Variants in PDE1C observed in about 807,000 individuals in gnomAD.
PDE1C encodes the protein phosphodiesterase 1C, also known as dual specificity calcium/calmodulin-dependent 3',5'-cyclic nucleotide phosphodiesterase 1C.
Under a neutral mutation model 93.1 loss-of-function variants are expected in PDE1C, and 62 were observed. The observed-to-expected ratio is 0.67, with a 90% CI of 0.54 to 0.82. The LOEUF is 0.82. Ranked by LOEUF, PDE1C falls within the 40% of genes least tolerant of loss-of-function variation. PDE1C has a pLI of 0.00. For synonymous variants in PDE1C, 325 were observed against 310.1 expected (o/e 1.05, Z -0.50); for missense variants, 742 against 884.6 (o/e 0.84, Z 2.04).
intron 1 of PDE1C, chr7:32,052,433 T>C (rs571842709): frequency 4.4e-4 from 194 of 439,942 alleles, no homozygotes; most frequent in Middle Eastern, 6.8e-4. Context: ...AAGTTCTTCA[T>C]ATGTGTGTCA....
chr7:32,417,452 T>C (rs1389580656), intron 1 of PDE1C, among the ~76,000 whole-genome samples: 1 of 151,982 alleles, frequency 6.6e-6, no homozygotes, highest in Non-Finnish European at 1.5e-5. Flanking sequence ...ACCCTTAAAC[T>C]CACAAACAAC....
In PDE1C at chr7:32,237,217, T is replaced by A. The variant is rs536430895; in HGVS notation, c.86-27678A>T. On this transcript the variant is annotated intron_variant, in intron 1 of 18. Transcript: ENST00000396193. ...TTTTCCTGCCTCAGCCTCCTGAGTA[T>A]CCGGGACTATAGGCGCCTACCACCA... Among the ~76,000 whole-genome samples the A allele has an allele frequency of 2.0e-4, 31 of 151,526 alleles. No homozygotes were observed. The East Asian group carries it at 5.5e-3, about 27-fold the overall frequency.
chr7:32,207,925 G>A (rs1562580986), intron 2 of PDE1C, among the ~76,000 whole-genome samples: 1 of 152,174 alleles, frequency 6.6e-6, no homozygotes. Context: ...TCACAGCGTG[G>A]TTGGGTCACG....
At chr7:32,307,682 C>A (rs553052670) in intron 1 of PDE1C, among the ~76,000 whole-genome samples, 2 of 152,206 alleles carry the variant, frequency 1.3e-5, no homozygotes, top group Admixed American at 1.3e-4. Context: ...TTATTAAGCC[C>A]AGGTTCACAC....
At chr7:32,239,311 T>G (rs932065984) in intron 1 of PDE1C, among the ~76,000 whole-genome samples, 1 of 152,188 alleles carries the variant, frequency 6.6e-6, no homozygotes, top group Non-Finnish European at 1.5e-5. Flanking sequence ...GAGGATTGCT[T>G]GAACCTAGGA....
chr7:32,255,211 T>A (rs1171201592), intron 1 of PDE1C, among the ~76,000 whole-genome samples: 1 of 151,778 alleles, frequency 6.6e-6, no homozygotes, highest in Non-Finnish European at 1.5e-5. Flanking sequence ...TTCATGGGAG[T>A]CAAGGCCTCT....
chr7:31,923,991 CT>C (rs1279734237), intron 2 of PDE1C, among the ~76,000 whole-genome samples: 1 of 152,170 alleles, frequency 6.6e-6, no homozygotes, highest in Admixed American at 6.5e-5. Flanking sequence ...TATTCAAGAT[CT>C]CATTCCTGTG....
At chr7:32,177,920 T>C (rs1424605000) in intron 2 of PDE1C, among the ~76,000 whole-genome samples, 1 of 152,038 alleles carries the variant, frequency 6.6e-6, no homozygotes, top group African/African-American at 2.4e-5. Flanking sequence ...ACAGAGAAGG[T>C]GGGGAGCATG....
chr7:32,118,420 C>T (rs1039800120), intron 3 of PDE1C, among the ~76,000 whole-genome samples: 2 of 152,120 alleles, frequency 1.3e-5, no homozygotes, highest in Non-Finnish European at 2.9e-5. Context: ...TTCCCCTAAC[C>T]GTAGCTAGTG....
chr7:31,693,841 G>C, the PDE1C span, among the ~76,000 whole-genome samples: 1 of 152,206 alleles, frequency 6.6e-6, no homozygotes, highest in African/African-American at 2.4e-5. Flanking sequence ...AGAAGGAAAT[G>C]AAAGGGAAGG....
At chr7:31,904,339 T>C (rs1048310236) in intron 2 of PDE1C, among the ~76,000 whole-genome samples, 21 of 152,054 alleles carry the variant, frequency 1.4e-4, no homozygotes, top group African/African-American at 5.1e-4. Context: ...AACACAAAAT[T>C]TGCGAGCAAA....
chr7:32,132,773 T>A (rs1799991196), intron 3 of PDE1C, among the ~76,000 whole-genome samples: 1 of 152,288 alleles, frequency 6.6e-6, no homozygotes, highest in East Asian at 1.9e-4. Context: ...TAGAAGGATA[T>A]TTTAGTAATC....
intron 1 of PDE1C, among the ~76,000 whole-genome samples, chr7:32,370,013 T>C (rs1784301642): frequency 6.6e-6 from 1 of 152,208 alleles, no homozygotes; most frequent in African/African-American, 2.4e-5. Context: ...ATCATGCTAC[T>C]ATAAAGATAC....
chr7:31,664,809 A>G, the PDE1C span, among the ~76,000 whole-genome samples: 1 of 152,186 alleles, frequency 6.6e-6, no homozygotes. Flanking sequence ...GGGAAACTCA[A>G]TTTACCTCAC....
the PDE1C span, among the ~76,000 whole-genome samples, chr7:31,624,303 C>A: frequency 4.4e-3 from 616 of 138,608 alleles, 8 homozygotes; most frequent in African/African-American, 0.015. Context: ...AAAAAGAGCC[C>A]GCATCACCAA....
At chr7:31,679,701 C>T in the PDE1C span, among the ~76,000 whole-genome samples, 17 of 152,194 alleles carry the variant, frequency 1.1e-4, no homozygotes, top group Admixed American at 9.2e-4. Context: ...TGTTCAGAAG[C>T]CCCCATAAAC....
intron 2 of PDE1C, among the ~76,000 whole-genome samples, chr7:31,979,763 T>A (rs985714422): frequency 6.6e-6 from 1 of 152,220 alleles, no homozygotes; most frequent in Non-Finnish European, 1.5e-5. Flanking sequence ...ACTTTTTTTA[T>A]CTTAAGCACT....
At chr7:31,887,134 C>T (rs373562609) in intron 2 of PDE1C, among the ~76,000 whole-genome samples, 13 of 152,102 alleles carry the variant, frequency 8.5e-5, no homozygotes, top group Admixed American at 8.5e-4. Context: ...ATACTCTGAA[C>T]AGCACAGTGT....
At chr7:31,870,724 G>A (rs1005384820) in intron 6 of PDE1C, among the ~76,000 whole-genome samples, 8 of 151,820 alleles carry the variant, frequency 5.3e-5, no homozygotes, top group Non-Finnish European at 8.8e-5. Flanking sequence ...AAAAATTGAG[G>A]GGCAATTTCT....
Sources: gnomAD v4.1 joint callset for allele counts (sites outside exome capture counted in the v4.1 genomes callset) on GRCh38, gnomAD v4.1.1 for gene constraint, MANE v1.5 for transcripts, NCBI Gene and HGNC (gene_info 2026-07-23, HGNC 2026-07-21) for gene names.